The following CACNA1E variants were observed in gnomAD, a reference collection of about 807,000 sequenced individuals.
CACNA1E encodes voltage-dependent R-type calcium channel subunit alpha-1E.
A neutral mutation model predicts 259.2 loss-of-function variants in CACNA1E; 40 were observed. The ratio of observed to expected loss-of-function variants is 0.15; its 90% CI spans 0.12 to 0.20. The LOEUF is 0.20. CACNA1E is among the 10% of genes least tolerant of loss of function. CACNA1E has a pLI of 1.00. For synonymous variants in CACNA1E, 1,104 were observed against 1,138.5 expected (o/e 0.97, Z 0.61); for missense variants, 1,874 against 3,040.1 (o/e 0.62, Z 9.02).
chr1:181,385,972 G>A (rs1216908036), intron 1 of CACNA1E, among the ~76,000 whole-genome samples: 1 of 152,048 alleles, frequency 6.6e-6, no homozygotes, highest in Non-Finnish European at 1.5e-5. Flanking sequence ...AGATAAAGTA[G>A]CAAATGAGGT....
chr1:181,531,427 G>A (rs1294524488), intron 3 of CACNA1E, among the ~76,000 whole-genome samples: 1 of 152,114 alleles, frequency 6.6e-6, no homozygotes, highest in African/African-American at 2.4e-5. Context: ...TTGAGGGCGG[G>A]GGTCATGTTC....
intron 1 of CACNA1E, among the ~76,000 whole-genome samples, chr1:181,366,789 A>G (rs1314246439): frequency 1.3e-5 from 2 of 152,224 alleles, no homozygotes; most frequent in African/African-American, 2.4e-5. Flanking sequence ...GGGTAACTGA[A>G]GAGTGATAGA....
intron 6 of CACNA1E, among the ~76,000 whole-genome samples, chr1:181,645,504 CT>C (rs1376863685): frequency 6.6e-6 from 1 of 152,096 alleles, no homozygotes; most frequent in African/African-American, 2.4e-5. Context: ...TTTCTTCTAC[CT>C]CCATAATTAA....
chr1:181,673,482 G>C (rs770992052), intron 7 of CACNA1E, among the ~76,000 whole-genome samples: 1 of 152,216 alleles, frequency 6.6e-6, no homozygotes, highest in Non-Finnish European at 1.5e-5. Flanking sequence ...ATATGCTCTT[G>C]CTCCACATTC....
At chr1:181,653,468 T>A (rs1658933978) in intron 7 of CACNA1E, among the ~76,000 whole-genome samples, 1 of 152,234 alleles carries the variant, frequency 6.6e-6, no homozygotes, top group South Asian at 2.1e-4. Context: ...CCCAGCCACG[T>A]GGAACTGTGA....
intron 1 of CACNA1E, among the ~76,000 whole-genome samples, chr1:181,379,984 TTA>T (rs1213291206): frequency 6.8e-6 from 1 of 146,852 alleles, no homozygotes; most frequent in African/African-American, 2.5e-5. Flanking sequence ...ATATATATAT[TTA>T]TATATATCAT....
intron 2 of CACNA1E, among the ~76,000 whole-genome samples, chr1:181,428,316 A>G (rs1310809385): frequency 6.6e-6 from 1 of 152,056 alleles, no homozygotes; most frequent in Admixed American, 6.5e-5. Flanking sequence ...ATTAATTGTC[A>G]GTCCATGAGC....
At position 181,483,568 on chromosome 1, in the gene CACNA1E, C is replaced by G. The variant is rs1347973286; in HGVS notation, c.-177C>G. On this transcript the variant is annotated 5_prime_UTR_variant, in exon 1 of 48. Transcript: ENST00000367573. ...GGTTGCATTTAGATTCAACAGTTCA[C>G]AGCGGCGGGCTGCTGCTGCTGCCTC... 31 of 396,370 alleles carry G rather than the reference C, an allele frequency of 7.8e-5. No homozygotes were observed. Among genetic ancestry groups the G allele is most frequent in the Non-Finnish European group, 3.2e-5 (7 of 221,704 alleles). 24.6% of individuals were successfully genotyped at this position (396,370 alleles called of 1,614,324 possible).
intron 1 of CACNA1E, among the ~76,000 whole-genome samples, chr1:181,486,138 A>G (rs1231222300): frequency 6.6e-6 from 1 of 151,848 alleles, no homozygotes; most frequent in Non-Finnish European, 1.5e-5. Flanking sequence ...TGTGAGTCTT[A>G]CTCCTCCCTT....
In CACNA1E at chr1:181,632,233, C is replaced by G. The variant is rs114257101; in HGVS notation, c.952-19105C>G. On this transcript the variant is annotated intron_variant, in intron 6 of 47. Transcript: ENST00000367573. ...TGGGGAGCTAACCTGTTTCTTTGCA[C>G]TGAATGAGCAATGCTTGTGCCTTTC... Among the ~76,000 whole-genome samples the G allele has an allele frequency of 2.3e-3, 350 of 152,208 alleles. 2 individuals carry two copies. The highest frequency in any genetic ancestry group is 7.9e-3 in the African/African-American group (329 of 41,500).
At chr1:181,698,900 T>C (rs1348688560) in intron 7 of CACNA1E, among the ~76,000 whole-genome samples, 2 of 152,200 alleles carry the variant, frequency 1.3e-5, no homozygotes, top group African/African-American at 2.4e-5. Flanking sequence ...TCAACTTAAA[T>C]GATACTGAGA....
chr1:181,560,083 A>G (rs1362819530), intron 3 of CACNA1E, among the ~76,000 whole-genome samples: 2 of 152,096 alleles, frequency 1.3e-5, no homozygotes, highest in African/African-American at 4.8e-5. Context: ...TAGCAATCAG[A>G]ACATGTACTA....
At chr1:181,766,939 A>AT (rs1297193784) in intron 35 of CACNA1E, among the ~76,000 whole-genome samples, 1 of 152,204 alleles carries the variant, frequency 6.6e-6, no homozygotes, top group African/African-American at 2.4e-5. Context: ...AGCCAGAAAG[A>AT]TCCCCCAGGA....
intron 6 of CACNA1E, among the ~76,000 whole-genome samples, chr1:181,584,622 T>C (rs573252474): frequency 2.6e-5 from 4 of 152,348 alleles, no homozygotes; most frequent in Admixed American, 6.5e-5. Context: ...TCTATGAGCA[T>C]GGTGAGGCAT....
In CACNA1E at chr1:181,718,126, C is replaced by A; in HGVS notation, c.1597C>A (p.Arg533Ser). The change falls in exon 12 of 48, where the codon CGC (arginine) becomes AGC (serine). Residue 533 changes from arginine (R) to serine (S), a missense_variant. Around this residue, in one of 14 missense-constraint regions of CACNA1E, gnomAD observed 102 missense variants for 279.4 expected, o/e 0.37. Transcript: ENST00000367573. ...MSLKMYGMGP[R>S]LYFHSSFNCF... Reference sequence around the variant, plus strand: ...CCTGAAGATGTATGGCATGGGGCCTCGCCTTTATTTTCACTCTTCATTCAA... The same window carrying A: ...CCTGAAGATGTATGGCATGGGGCCTAGCCTTTATTTTCACTCTTCATTCAA... 6.2e-7 allele frequency: 1 copy of A among 1,610,844 alleles called. No individual in the cohort carries two copies. The highest frequency in any genetic ancestry group is 8.5e-7 in the Non-Finnish European group (1 of 1,177,232).
At chr1:181,542,914 C>G (rs187749739) in intron 3 of CACNA1E, among the ~76,000 whole-genome samples, 1 of 148,750 alleles carries the variant, frequency 6.7e-6, no homozygotes, top group East Asian at 2.0e-4. Flanking sequence ...ATGCTGCATA[C>G]TAGATCTCCT....
At chr1:181,410,129 G>C (rs936093333) in intron 1 of CACNA1E, among the ~76,000 whole-genome samples, 32 of 152,134 alleles carry the variant, frequency 2.1e-4, no homozygotes, top group Non-Finnish European at 2.9e-4. Context: ...CAGCAGGGGA[G>C]GGGTGTGCGC....
intron 1 of CACNA1E, among the ~76,000 whole-genome samples, chr1:181,394,967 A>C (rs1014440245): frequency 6.6e-6 from 1 of 152,116 alleles, no homozygotes; most frequent in African/African-American, 2.4e-5. Flanking sequence ...CTGTTACTCT[A>C]AGTGAAGGGA....
At chr1:181,573,043 A>G (rs2102945814) in intron 3 of CACNA1E, among the ~76,000 whole-genome samples, 1 of 152,320 alleles carries the variant, frequency 6.6e-6, no homozygotes, top group East Asian at 1.9e-4. Context: ...GGGTGGGGAA[A>G]GGACTGGATT....
Sources: gnomAD v4.1 joint callset for allele counts (sites outside exome capture counted in the v4.1 genomes callset) on GRCh38, gnomAD v4.1.1 for gene constraint, gnomAD v4.1.1 regional missense constraint, MANE v1.5 for transcripts, NCBI Gene and HGNC (gene_info 2026-07-23, HGNC 2026-07-21) for gene names.